The following IAPP variants were observed in gnomAD, a reference collection of about 807,000 sequenced individuals.
The protein encoded by IAPP is islet amyloid polypeptide, also known as Islet amyloid polypeptide (diabetes-associated peptide; amylin).
IAPP carries 4 observed loss-of-function variants against 2.9 expected under a neutral mutation model. The ratio of observed to expected loss-of-function variants is 1.39; its 90% CI spans 0.69 to 3.19. IAPP has a LOEUF of 3.19. IAPP is among the 30% of genes most tolerant of loss of function. The pLI is 0.01. For missense variants in IAPP, 114 were observed against 105.3 expected (o/e 1.08, Z -0.36); for synonymous variants, 40 against 42.1 (o/e 0.95, Z 0.19).
intron 1 of IAPP, among the ~76,000 whole-genome samples, chr12:21,364,925 TGCTC>T (rs1939247370): frequency 6.6e-6 from 1 of 152,212 alleles, no homozygotes; most frequent in South Asian, 2.1e-4. Context: ...GAACATTTCA[TGCTC>T]GTGGATAGGA....
chr12:21,378,453 T>C lies in IAPP; in HGVS notation c.*27T>C. The C allele has an allele frequency of 5.8e-6, 9 of 1,559,090 alleles. No homozygotes were observed. Among genetic ancestry groups the C allele is most frequent in the Non-Finnish European group, 8.0e-6 (9 of 1,129,716 alleles). On this transcript the variant is annotated 3_prime_UTR_variant, in exon 3 of 3. Coordinates refer to ENST00000240652, the MANE Select transcript of IAPP (RefSeq NM_000415.3). ...GGACAATGTAACTCTATAGTTATTG[T>C]TTTATGTTCTAGTGATTTCCTGTAT...
In IAPP at chr12:21,374,819, GTCTC is replaced by G. The variant is rs71043266; in HGVS notation, c.80+1406_80+1409del. 1.7e-4 allele frequency among the ~76,000 whole-genome samples: 25 copies of G among 148,262 alleles called. No individual in the cohort carries two copies. In the South Asian group the frequency reaches 4.9e-3, roughly 29 times the overall value. ...TTTTTTTATTTTATTTTGAGACAGG[GTCTC>G]TCTCTCTCTCTCTCTCTGTCTCTGT... On this transcript the variant is annotated intron_variant, in intron 2 of 2. Coordinates refer to ENST00000240652, the MANE Select transcript of IAPP (RefSeq NM_000415.3).
Position 21,378,517 on chromosome 12 carries a change from T to C in IAPP, c.*91T>C. 1.9e-6 allele frequency: 2 copies of C among 1,060,422 alleles called. No homozygotes were observed. The highest frequency in any genetic ancestry group is 1.5e-6 in the Non-Finnish European group (1 of 685,154). 65.7% of individuals were successfully genotyped at this position (1,060,422 alleles called of 1,614,324 possible). On this transcript the variant is annotated 3_prime_UTR_variant, in exon 3 of 3. Transcript: ENST00000240652. ...CCTTTTCATCTCCAGTGTGAATATATGGTCTGTGTGTCTGATGTTTGTTGC... is the reference window on the plus strand; with the variant it reads ...CCTTTTCATCTCCAGTGTGAATATACGGTCTGTGTGTCTGATGTTTGTTGC...
At chr12:21,363,247 A>G (rs1398629722) in intron 1 of IAPP, among the ~76,000 whole-genome samples, 1 of 152,156 alleles carries the variant, frequency 6.6e-6, no homozygotes, top group African/African-American at 2.4e-5. Flanking sequence ...AAACTCACTC[A>G]AAACCGCTCA....
chr12:21,362,453 T>C (rs1463620422), intron 1 of IAPP, among the ~76,000 whole-genome samples: 5 of 152,120 alleles, frequency 3.3e-5, no homozygotes, highest in Admixed American at 1.3e-4. Flanking sequence ...ACATGCCAAA[T>C]TGTAAAGACC....
chr12:21,365,102 C>T (rs979244598), intron 1 of IAPP, among the ~76,000 whole-genome samples: 39 of 152,080 alleles, frequency 2.6e-4, no homozygotes, highest in African/African-American at 9.4e-4. Flanking sequence ...GATCCTAAGC[C>T]AAAAGAACAA....
chr12:21,364,559 A>T (rs1254694635), intron 1 of IAPP, among the ~76,000 whole-genome samples: 1 of 152,204 alleles, frequency 6.6e-6, no homozygotes, highest in East Asian at 1.9e-4. Context: ...GCAATCAGGG[A>T]AGAGAAAGAA....
chr12:21,359,411 A>C (rs927663804), intron 1 of IAPP, among the ~76,000 whole-genome samples: 14 of 152,158 alleles, frequency 9.2e-5, no homozygotes, highest in Admixed American at 6.5e-4. Flanking sequence ...GAAAAAAAAA[A>C]CACAAACCTG....
intron 2 of IAPP, 135 bp from the exon 3 acceptor site, chr12:21,378,102 C>T: frequency 1.3e-6 from 1 of 757,930 alleles, no homozygotes; most frequent in Non-Finnish European, 2.1e-6. Flanking sequence ...TAGGTGTTTG[C>T]AAACCAAAAC....
At chr12:21,366,471 C>A (rs2045942) in intron 1 of IAPP, among the ~76,000 whole-genome samples, 48,756 of 151,660 alleles carry the variant, frequency 0.32, 8,084 homozygotes, top group East Asian at 0.46. Context: ...GTGCAGCACA[C>A]CAACATGGCG....
rs1938452706 is a variant in IAPP, at chr12:21,357,364, A to G, written c.-16+2351A>G. Among the ~76,000 whole-genome samples, 3 of 152,168 alleles carry G rather than the reference A, an allele frequency of 2.0e-5. No homozygotes were observed. The South Asian group carries it at 6.2e-4, about 32-fold the overall frequency. ...CAGGTGATGCTGCTTCTCCAAACCA[A>G]CAAGATTGCCAGCAAACTACCAGAA... On this transcript the variant is annotated intron_variant, in intron 1 of 2. Transcript: ENST00000539393.
intron 2 of IAPP, among the ~76,000 whole-genome samples, chr12:21,375,704 G>A (rs756398738): frequency 1.2e-4 from 18 of 152,136 alleles, no homozygotes; most frequent in Non-Finnish European, 2.6e-4. Flanking sequence ...CTGAGAGCAG[G>A]GACTCACTTT....
intron 2 of IAPP, among the ~76,000 whole-genome samples, chr12:21,375,343 G>A (rs1480752771): frequency 6.6e-6 from 1 of 152,162 alleles, no homozygotes; most frequent in Non-Finnish European, 1.5e-5. Flanking sequence ...GATTTGTCAT[G>A]CTGAGATGTT....
At chr12:21,373,468 T>G (rs1939950785) in intron 2 of IAPP, 37 bp downstream of exon 2, 1 of 1,402,856 alleles carries the variant, frequency 7.1e-7, no homozygotes, top group Non-Finnish European at 1.0e-6. Context: ...TTGTAACTTT[T>G]GTAAAGTGTG....
chr12:21,366,099 C>G (rs146111287), intron 1 of IAPP, among the ~76,000 whole-genome samples: 2 of 152,142 alleles, frequency 1.3e-5, no homozygotes, highest in African/African-American at 2.4e-5. Context: ...CACATGCATA[C>G]GTATGTTTAT....
At chr12:21,371,942 C>T (rs1939826223), upstream of IAPP, among the ~76,000 whole-genome samples, 1 of 151,228 alleles carries the variant, frequency 6.6e-6, no homozygotes, top group Non-Finnish European at 1.5e-5. Flanking sequence ...GCACAGGTTA[C>T]AGTGAGCCGA....
At chr12:21,372,044 G>A (rs4762821), upstream of IAPP, among the ~76,000 whole-genome samples, 29,796 of 151,652 alleles carry the variant, frequency 0.2, 3,099 homozygotes, top group African/African-American at 0.27. Context: ...AGAAATACAA[G>A]AAAAAGAAAA....
chr12:21,364,633 T>C (rs887331217), intron 1 of IAPP, among the ~76,000 whole-genome samples: 14 of 152,194 alleles, frequency 9.2e-5, no homozygotes, highest in Non-Finnish European at 1.6e-4. Flanking sequence ...GACATGATTG[T>C]ATATTTAGAA....
intron 1 of IAPP, among the ~76,000 whole-genome samples, chr12:21,365,644 C>T (rs1373964634): frequency 6.6e-6 from 1 of 152,046 alleles, no homozygotes; most frequent in East Asian, 1.9e-4. Context: ...TTACAATCTA[C>T]CCATCTGACA....
Sources: allele counts gnomAD v4.1 joint callset (sites outside exome capture counted in the v4.1 genomes callset), GRCh38; gene constraint gnomAD v4.1.1; transcripts MANE v1.5; gene names NCBI Gene and HGNC (gene_info 2026-07-23, HGNC 2026-07-21).